ASTN1: variants seen among roughly 807,000 people sequenced by gnomAD.
The protein encoded by ASTN1 is astrotactin-1.
Under a neutral mutation model 140.7 loss-of-function variants are expected in ASTN1, and 41 were observed. The observed-to-expected ratio is 0.29, with a 90% CI of 0.23 to 0.38. The LOEUF (loss-of-function observed/expected upper bound fraction) is 0.38. Among genes scored for constraint, ASTN1 ranks in the 10% least tolerant of loss-of-function variants. The pLI, the probability that ASTN1 is intolerant of heterozygous loss-of-function variation, is 1.00. For missense variants in ASTN1, 1,479 were observed against 1,678.8 expected (o/e 0.88, Z 2.08); for synonymous variants, 640 against 652.2 (o/e 0.98, Z 0.29).
chr1:176,868,883 C>T lies in ASTN1; in HGVS notation c.3608G>A (p.Gly1203Glu). Reference sequence around the variant, plus strand: ...ATCCTCACATCGCCAGGTGAATTCCCCAAAACTCTCATAGTGCTGGTTATA... The same window carrying T: ...ATCCTCACATCGCCAGGTGAATTCCTCAAAACTCTCATAGTGCTGGTTATA... ...YHYNQHYESF[G>E]EFTWRCEDEL... Residue 1203 changes from glycine (G) to glutamate (E), a missense_variant, in exon 22 of 23, where the codon GGG becomes GAG. Around this residue, in one of 3 missense-constraint regions of ASTN1, gnomAD observed 746 missense variants for 800.9 expected, o/e 0.93. Coordinates refer to ENST00000361833, the MANE Select transcript of ASTN1 (RefSeq NM_004319.3). The T allele has an allele frequency of 1.9e-6, 3 of 1,608,610 alleles. No homozygotes were observed. The highest frequency in any genetic ancestry group is 1.7e-6 in the Non-Finnish European group (2 of 1,176,646).
intron 14 of ASTN1, among the ~76,000 whole-genome samples, chr1:176,936,896 A>G (rs1671472165): frequency 6.6e-6 from 1 of 152,166 alleles, no homozygotes; most frequent in Non-Finnish European, 1.5e-5. Flanking sequence ...ATTTGTTCGC[A>G]TTTTGATATC....
intron 7 of ASTN1, among the ~76,000 whole-genome samples, chr1:177,021,070 T>C (rs1007607573): frequency 2.6e-5 from 4 of 152,188 alleles, no homozygotes; most frequent in African/African-American, 9.7e-5. Flanking sequence ...GGATAGAGTG[T>C]GGGAGGCGAT....
chr1:177,129,228 A>C (rs182509899), intron 1 of ASTN1, among the ~76,000 whole-genome samples: 1 of 152,320 alleles, frequency 6.6e-6, no homozygotes, highest in East Asian at 1.9e-4. Context: ...TTCCTGGGCT[A>C]TATAATCACT....
intron 8 of ASTN1, among the ~76,000 whole-genome samples, chr1:176,987,085 C>T (rs961979365): frequency 2.6e-5 from 4 of 152,150 alleles, no homozygotes; most frequent in East Asian, 1.9e-4. Context: ...GAGTCAGGGA[C>T]ACTGCCAAAC....
chr1:177,121,202 C>T (rs1681367606), intron 1 of ASTN1, among the ~76,000 whole-genome samples: 1 of 152,022 alleles, frequency 6.6e-6, no homozygotes, highest in Non-Finnish European at 1.5e-5. Context: ...TAATCCTACA[C>T]AGGATGAAAG....
At chr1:177,097,225 C>T (rs1186183367) in intron 1 of ASTN1, among the ~76,000 whole-genome samples, 1 of 152,238 alleles carries the variant, frequency 6.6e-6, no homozygotes. Context: ...ATTATCACCA[C>T]TGCTAGGAAG....
At chr1:177,132,835 C>T (rs1558118743) in intron 1 of ASTN1, among the ~76,000 whole-genome samples, 1 of 152,158 alleles carries the variant, frequency 6.6e-6, no homozygotes, top group South Asian at 2.1e-4. Flanking sequence ...AAATCACACA[C>T]ATTTGCTTAT....
intron 1 of ASTN1, among the ~76,000 whole-genome samples, chr1:177,076,109 C>T (rs971962117): frequency 1.3e-5 from 2 of 151,664 alleles, no homozygotes; most frequent in African/African-American, 4.8e-5. Flanking sequence ...GAAACCCCAT[C>T]TCTACTAAAA....
chr1:177,043,455 C>A (rs1397282474), intron 2 of ASTN1, among the ~76,000 whole-genome samples: 1 of 152,212 alleles, frequency 6.6e-6, no homozygotes, highest in Non-Finnish European at 1.5e-5. Flanking sequence ...ATGACAACGG[C>A]CATTCCCAGT....
intron 16 of ASTN1, among the ~76,000 whole-genome samples, chr1:176,914,072 A>G (rs569249225): frequency 2.5e-4 from 38 of 152,336 alleles, no homozygotes; most frequent in African/African-American, 8.9e-4. Context: ...GTGAAATTCA[A>G]CATTGTCAGT....
chr1:177,012,237 C>A (rs778056301), intron 8 of ASTN1, among the ~76,000 whole-genome samples: 4 of 152,170 alleles, frequency 2.6e-5, no homozygotes, highest in Non-Finnish European at 5.9e-5. Context: ...TTGTGAGAAT[C>A]ATTTAAAGAA....
Position 176,965,163 on chromosome 1 carries a change from C to T in ASTN1, c.1598G>A (p.Arg533Lys). 6.2e-7 allele frequency: 1 copy of T among 1,613,744 alleles called. No homozygotes were observed. Among genetic ancestry groups the T allele is most frequent in the Non-Finnish European group, 8.5e-7 (1 of 1,179,718 alleles). ...AGCAAGTCCCTAGACAATCACTTAC[C>T]TAAATATTTTATCAGAGGGCTGCTC... is the stretch of plus-strand genomic sequence containing the variant. ...LGEQPSDKIF[R>K]FTYTLGEGMW... Residue 533 changes from arginine (R) to lysine (K), a missense_variant and splice_region_variant, in exon 9 of 23, where the codon AGA becomes AAA. Coordinates refer to ENST00000361833, the MANE Select transcript of ASTN1 (RefSeq NM_004319.3).
At chr1:177,052,054 G>A (rs1677567642) in intron 2 of ASTN1, among the ~76,000 whole-genome samples, 1 of 152,126 alleles carries the variant, frequency 6.6e-6, no homozygotes, top group Admixed American at 6.5e-5. Context: ...AAGACGCCTG[G>A]TGGGAAACCC....
intron 1 of ASTN1, among the ~76,000 whole-genome samples, chr1:177,088,660 C>T (rs907449150): frequency 5.9e-5 from 9 of 152,130 alleles, no homozygotes; most frequent in African/African-American, 2.2e-4. Context: ...TATTTAAAAA[C>T]ATGGCATGCT....
At position 176,868,951 on chromosome 1, in the gene ASTN1, G is replaced by A; in HGVS notation, c.3540C>T (p.Leu1180=). The change falls in exon 22 of 23, where the codon CTC becomes CTT. Residue 1180 remains leucine, a synonymous_variant. Coordinates refer to ENST00000361833, the MANE Select transcript of ASTN1 (RefSeq NM_004319.3). ...GKEQQTAYNT[L]LDLGSPTLHR... is the part of the protein sequence containing the mutation. The stretch of plus-strand genomic sequence containing the variant: ...GTAAGGTGGGGGAACCCAGATCCAG[G>A]AGGGTGTTGTAGGCGGTCTGCTGCT... The A allele has an allele frequency of 2.5e-6, 4 of 1,613,270 alleles. No homozygotes were observed. The highest frequency in any genetic ancestry group is 3.4e-6 in the Non-Finnish European group (4 of 1,179,392).
rs770131610 is a variant in ASTN1 at position 176,894,775 on chromosome 1, T to C, written c.2727A>G (p.Thr909=). The stretch of plus-strand genomic sequence containing the variant: ...ACAAGCTGGTGATGTATTCTGGGAA[T>C]GTCAGCACCTTGGGGTCTCTTTCCC... The part of the protein sequence containing the change: ...EERERDPKVL[T]FPEYITSLSD... Residue 909 remains threonine, a synonymous_variant, in exon 17 of 23, where the codon ACA becomes ACG. Transcript: ENST00000361833. 24 of 1,614,200 alleles carry C rather than the reference T, an allele frequency of 1.5e-5. No homozygotes were observed. Among genetic ancestry groups the C allele is most frequent in the Non-Finnish European group, 1.9e-5 (22 of 1,180,026 alleles).
chr1:177,142,353 G>A (rs915450145), intron 1 of ASTN1, among the ~76,000 whole-genome samples: 2 of 151,796 alleles, frequency 1.3e-5, no homozygotes, highest in South Asian at 4.2e-4. Flanking sequence ...TAAAAATAAA[G>A]TGTTAATAAA....
intron 11 of ASTN1, among the ~76,000 whole-genome samples, chr1:176,956,466 C>T (rs4652215): frequency 0.094 from 14,368 of 152,104 alleles, 1,265 homozygotes; most frequent in African/African-American, 0.23. Context: ...ATGGCATCAG[C>T]GCAGCATCCT....
chr1:176,885,954 AT>A (rs144714014), intron 18 of ASTN1, among the ~76,000 whole-genome samples: 2,510 of 152,264 alleles, frequency 0.016, 36 homozygotes, highest in South Asian at 0.048. Flanking sequence ...TAGTTTGCAT[AT>A]GACATTGAAG....
Sources: allele counts gnomAD v4.1 joint callset (sites outside exome capture counted in the v4.1 genomes callset), GRCh38; gene constraint gnomAD v4.1.1; regional missense constraint gnomAD v4.1.1; transcripts MANE v1.5; gene names NCBI Gene and HGNC (gene_info 2026-07-23, HGNC 2026-07-21).